The following EP300 variants were observed in gnomAD, a reference collection of about 807,000 sequenced individuals.
EP300 encodes histone acetyltransferase p300.
Under a neutral mutation model 264.0 loss-of-function variants are expected in EP300, and 31 were observed. The observed-to-expected ratio is 0.12, with a 90% CI of 0.09 to 0.16. The LOEUF is 0.16. Ranked by LOEUF, EP300 falls within the 10% of genes least tolerant of loss-of-function variation. The pLI, the probability that EP300 is intolerant of heterozygous loss-of-function variation, is 1.00. For missense variants in EP300, 2,766 were observed against 3,052.9 expected (o/e 0.91, Z 2.21); for synonymous variants, 1,340 against 1,045.4 (o/e 1.28, Z -5.44).
At chr22:41,137,915 G>A (rs2058961168) in intron 8 of EP300, 125 bp downstream of exon 8, 2 of 1,291,482 alleles carry the variant, frequency 1.5e-6, no homozygotes, top group African/African-American at 1.5e-5. Flanking sequence ...GGTTGATGTT[G>A]ATACTTCTAC....
At chr22:41,176,219 CA>C (rs749725027) in intron 29 of EP300, 27 bp from the exon 30 acceptor site, 6 of 1,611,736 alleles carry the variant, frequency 3.7e-6, no homozygotes, top group East Asian at 2.2e-5. Flanking sequence ...GGCCCTGTCT[CA>C]AAAAAAAGAG....
chr22:41,148,182 C>T (rs56376461), intron 12 of EP300, among the ~76,000 whole-genome samples: 336 of 152,324 alleles, frequency 2.2e-3, no homozygotes, highest in Non-Finnish European at 3.6e-3. Context: ...GGTCACTTCT[C>T]TTCCCTGATG....
In EP300 at chr22:41,146,734, T is replaced by C; in HGVS notation, c.2054-5T>C. 1.2e-5 allele frequency: 19 copies of C among 1,614,050 alleles called. No homozygotes were observed. The highest frequency in any genetic ancestry group is 1.6e-5 in the Non-Finnish European group (19 of 1,179,894). ...AAAGATACTTATTTCTCTTTTTTAC[T>C]CTAGATGGCCCTCTACCTGACCCAA... is the stretch of plus-strand genomic sequence containing the variant. On this transcript the variant is annotated splice_polypyrimidine_tract_variant and splice_region_variant and intron_variant, in intron 10 of 30. Coordinates refer to ENST00000263253, the MANE Select transcript of EP300 (RefSeq NM_001429.4).
Position 41,129,936 on chromosome 22 carries a change from T to C in EP300, c.1215T>C (p.Asn405=), listed in dbSNP as rs1242358857. 1.9e-6 allele frequency: 3 copies of C among 1,614,080 alleles called. No individual in the cohort carries two copies. Among genetic ancestry groups the C allele is most frequent in the Non-Finnish European group, 2.5e-6 (3 of 1,179,992 alleles). The change falls in exon 5 of 31, where the codon AAT becomes AAC. Residue 405 remains asparagine (N), a synonymous_variant. Coordinates refer to ENST00000263253, the MANE Select transcript of EP300 (RefSeq NM_001429.4). ...GACAAATCATTTCACACTGGAAGAA[T>C]TGTACAAGACATGATTGTCCTGTGT... ...SSRQIISHWK[N]CTRHDCPVCL...
chr22:41,179,734 A>G lies in EP300; in HGVS notation c.*778A>G. The G allele has an allele frequency of 4.3e-6, 1 of 230,924 alleles. No homozygotes were observed. Among genetic ancestry groups the G allele is most frequent in the Admixed American group, 5.6e-5 (1 of 17,708 alleles). The allele number at this position is 230,924 out of a possible 1,614,324, so 14.3% of individuals were successfully genotyped here. On this transcript the variant is annotated 3_prime_UTR_variant, in exon 31 of 31. Coordinates refer to ENST00000263253, the MANE Select transcript of EP300 (RefSeq NM_001429.4). ...TATTGTGGTTTCTGTTTCTTGAAAG[A>G]ATTTTTTTCGTTATTTTTACATCTA...
intron 23 of EP300, among the ~76,000 whole-genome samples, chr22:41,167,568 G>T (rs1399885891): frequency 1.0e-4 from 3 of 28,956 alleles, no homozygotes; most frequent in Admixed American, 1.2e-3. Flanking sequence ...ATTTGTGTGT[G>T]TGTGTGTGTG....
intron 5 of EP300, 133 bp downstream of exon 5, chr22:41,130,136 A>G (rs2058909302): frequency 9.9e-6 from 7 of 704,630 alleles, no homozygotes; most frequent in Non-Finnish European, 1.7e-5. Flanking sequence ...TTTCCCTTTT[A>G]ATTTTTCTGC....
rs910423739 is a variant in EP300 at position 41,110,055 on chromosome 22, C to T, written c.95-7132C>T. Among the ~76,000 whole-genome samples, 9 of 151,056 alleles carry T rather than the reference C, an allele frequency of 6.0e-5. No individual in the cohort carries two copies. In the East Asian group the frequency reaches 1.4e-3, roughly 23 times the overall value. The stretch of plus-strand genomic sequence containing the variant: ...AACTCTTGACCTCAGGTGATCTGCT[C>T]GCCTCGGCCTCCCAAAGTGCTGGGA... On this transcript the variant is annotated intron_variant, in intron 1 of 30. Transcript: ENST00000263253.
chr22:41,149,343 G>A (rs1295024311), intron 13 of EP300, among the ~76,000 whole-genome samples, 168 bp downstream of exon 13: 1 of 152,166 alleles, frequency 6.6e-6, no homozygotes, highest in Non-Finnish European at 1.5e-5. Flanking sequence ...ATTATTCTGT[G>A]ACATAGCAAT....
chr22:41,134,163 C>CTTTTTTTTTTTTTTTTTT (rs11362436), intron 6 of EP300, among the ~76,000 whole-genome samples: 10 of 105,592 alleles, frequency 9.5e-5, no homozygotes, highest in Admixed American at 3.0e-4. Flanking sequence ...TCATTCTTTT[C>CTTTTTTTTTTTTTTTTTT]TTTTTTTTTT....
Position 41,092,842 on chromosome 22 carries a change from G to C in EP300, c.-163G>C, listed in dbSNP as rs978038532. ...TCTATCGAGTCCGCATCCCTCTCCA[G>C]CCACTGCGACCCGGCGAAGAGAAAA... On this transcript the variant is annotated 5_prime_UTR_variant, in exon 1 of 31. Coordinates refer to ENST00000263253, the MANE Select transcript of EP300 (RefSeq NM_001429.4). 2.5e-6 allele frequency: 2 copies of C among 785,036 alleles called. No individual in the cohort carries two copies. Among genetic ancestry groups the C allele is most frequent in the African/African-American group, 1.7e-5 (1 of 58,400 alleles). 48.6% of individuals were successfully genotyped at this position (785,036 alleles called of 1,614,324 possible).
intron 1 of EP300, among the ~76,000 whole-genome samples, chr22:41,116,952 T>A (rs1345940413): frequency 6.6e-6 from 1 of 152,076 alleles, no homozygotes; most frequent in Non-Finnish European, 1.5e-5. Context: ...CACAGCTACT[T>A]GGGAGGCTGA....
intron 27 of EP300, among the ~76,000 whole-genome samples, chr22:41,171,357 G>C (rs990848592): frequency 1.2e-4 from 19 of 152,074 alleles, no homozygotes; most frequent in Non-Finnish European, 1.5e-5. Context: ...TTTGTTTTCA[G>C]AAAGGGTCAC....
Position 41,179,931 on chromosome 22 carries a change from A to G in EP300, c.*975A>G, listed in dbSNP as rs886895550. 1 of 221,152 alleles carries G rather than the reference A, an allele frequency of 4.5e-6. No individual in the cohort carries two copies. The highest frequency in any genetic ancestry group is 2.3e-5 in the African/African-American group (1 of 44,398). The allele number at this position is 221,152 out of a possible 1,614,324, so 13.7% of individuals were successfully genotyped here. A position where few individuals can be genotyped will look rare whatever the true frequency, so the allele number is the denominator to read the frequency against. ...ACACACACACACACACACTTTCTAT[A>G]AAACTTGAAAATAGCAAAAACCCTC... On this transcript the variant is annotated 3_prime_UTR_variant, in exon 31 of 31. Transcript: ENST00000263253.
At chr22:41,125,631 T>C (rs1490277572) in intron 2 of EP300, among the ~76,000 whole-genome samples, 1 of 152,180 alleles carries the variant, frequency 6.6e-6, no homozygotes, top group African/African-American at 2.4e-5. Flanking sequence ...ATAATCCCAC[T>C]TTAGCCTTCC....
In EP300 at chr22:41,141,160, T is replaced by C. The variant is rs547684073; in HGVS notation, c.1991T>C (p.Met664Thr). The C allele has an allele frequency of 9.3e-6, 15 of 1,614,206 alleles. No homozygotes were observed. Among genetic ancestry groups the C allele is most frequent in the Admixed American group, 5.0e-5 (3 of 60,022 alleles). The part of the protein sequence containing the change: ...KQNMLPNAAG[M>T]VPVSMNPGPN... ...AACATGCTACCAAATGCTGCAGGCA[T>C]GGTTCCAGTTTCCATGAATCCAGGG... Residue 664 changes from methionine (M) to threonine (T), a missense_variant, in exon 10 of 31, where the codon ATG becomes ACG. By Grantham distance (81) the Met-to-Thr change is moderately conservative. Coordinates refer to ENST00000263253, the MANE Select transcript of EP300 (RefSeq NM_001429.4).
Position 41,117,751 on chromosome 22 carries a change from C to G in EP300, c.659C>G (p.Thr220Ser). The change falls in exon 2 of 31, where the codon ACT becomes AGT. Residue 220 changes from threonine to serine, a missense_variant. Transcript: ENST00000263253. ...PGMGSAGNLL[T>S]EPLQQGSPQM... is the part of the protein sequence containing the mutation. ...ATGGGAAGTGCTGGCAACTTACTGA[C>G]TGAGCCTCTTCAGCAGGGCTCTCCC... 6.2e-7 allele frequency: 1 copy of G among 1,614,240 alleles called. No homozygotes were observed. Among genetic ancestry groups the G allele is most frequent in the Non-Finnish European group, 8.5e-7 (1 of 1,180,046 alleles).
intron 3 of EP300, 40 bp downstream of exon 3, chr22:41,126,080 A>AT (rs1410142946): frequency 6.3e-6 from 10 of 1,598,578 alleles, no homozygotes; most frequent in Non-Finnish European, 8.6e-6. Flanking sequence ...TCAAACTGGC[A>AT]TTTTGACAAA....
At chr22:41,099,551 G>A (rs915321656) in intron 1 of EP300, among the ~76,000 whole-genome samples, 4 of 152,092 alleles carry the variant, frequency 2.6e-5, no homozygotes, top group East Asian at 1.9e-4. Context: ...GCAGTTTGAG[G>A]TACAACAGCA....
Sources: allele counts gnomAD v4.1 joint callset (sites outside exome capture counted in the v4.1 genomes callset), GRCh38; gene constraint gnomAD v4.1.1; transcripts MANE v1.5; gene names NCBI Gene and HGNC (gene_info 2026-07-23, HGNC 2026-07-21).